Variants in COMMD10 observed in about 807,000 individuals in gnomAD.
The protein encoded by COMMD10 is COMM domain-containing protein 10.
COMMD10 carries 33 observed loss-of-function variants against 28.9 expected under a neutral mutation model. The ratio of observed to expected loss-of-function variants is 1.14; its 90% CI spans 0.87 to 1.53. COMMD10 has a LOEUF of 1.53. Ranked by LOEUF, COMMD10 falls within the 40% of genes most tolerant of loss-of-function variation. The probability of loss-of-function intolerance (pLI) is 0.00; values close to 1 mark genes in which losing one functional copy is unlikely to be tolerated. For missense variants in COMMD10, 310 were observed against 233.4 expected, an observed-to-expected ratio of 1.33 and a Z score of -2.14; for synonymous variants, 110 against 81.7, an observed-to-expected ratio of 1.35 and a Z score of -1.87.
intron 4 of COMMD10, among the ~76,000 whole-genome samples, chr5:116,115,519 T>C (rs1289532443): frequency 6.6e-6 from 1 of 152,204 alleles, no homozygotes; most frequent in Non-Finnish European, 1.5e-5. Flanking sequence ...CTTATTAGAA[T>C]TTGTATTCTT....
intron 5 of COMMD10, among the ~76,000 whole-genome samples, chr5:116,138,507 A>G (rs1368217875): frequency 6.6e-6 from 1 of 151,722 alleles, no homozygotes; most frequent in African/African-American, 2.4e-5. Flanking sequence ...TTTTGCTATT[A>G]ATCTTAGTAC....
chr5:116,161,669 ATTAT>A (rs1752922617), intron 5 of COMMD10, among the ~76,000 whole-genome samples: 1 of 152,170 alleles, frequency 6.6e-6, no homozygotes, highest in Non-Finnish European at 1.5e-5. Flanking sequence ...GAGAAAATAT[ATTAT>A]TTCTTCATAA....
intron 4 of COMMD10, among the ~76,000 whole-genome samples, chr5:116,132,569 T>C (rs887173925): frequency 1.3e-5 from 2 of 152,122 alleles, no homozygotes; most frequent in Non-Finnish European, 2.9e-5. Context: ...AAGTGCCTAA[T>C]GGAGAGGGAT....
Position 116,092,485 on chromosome 5 carries a change from A to C in COMMD10, c.244-60A>C, listed in dbSNP as rs1177684597. ...TTAAAAATAGTTTTGTATTTAGTAT[A>C]GTTTAAAGTTTCAGTATGAAGATGA... On this transcript the variant is annotated intron_variant, in intron 3 of 6. Coordinates refer to ENST00000274458, the MANE Select transcript of COMMD10 (RefSeq NM_016144.4). 8.4e-6 allele frequency: 10 copies of C among 1,186,684 alleles called. No homozygotes were observed. In the East Asian group the frequency reaches 2.5e-4, roughly 30 times the overall value. 73.5% of individuals were successfully genotyped at this position (1,186,684 alleles called of 1,614,324 possible). A position where few individuals can be genotyped will look rare whatever the true frequency, so the allele number is the denominator to read the frequency against.
intron 4 of COMMD10, among the ~76,000 whole-genome samples, chr5:116,125,744 C>T (rs1288467049): frequency 4.6e-5 from 7 of 152,022 alleles, no homozygotes; most frequent in African/African-American, 1.7e-4. Flanking sequence ...AGGCTTTGTT[C>T]GTTTCTTTTT....
At chr5:116,277,567 T>C (rs895673819) in intron 5 of COMMD10, among the ~76,000 whole-genome samples, 4 of 151,954 alleles carry the variant, frequency 2.6e-5, no homozygotes, top group African/African-American at 9.7e-5. Context: ...TTTCCTATTA[T>C]TATGCTGCAG....
At chr5:116,165,655 G>A (rs1210291638) in intron 5 of COMMD10, among the ~76,000 whole-genome samples, 1 of 151,920 alleles carries the variant, frequency 6.6e-6, no homozygotes, top group Non-Finnish European at 1.5e-5. Context: ...TGTGCACAGG[G>A]CTGGTAGAGA....
intron 5 of COMMD10, among the ~76,000 whole-genome samples, chr5:116,153,240 G>A (rs996643349): frequency 3.3e-5 from 5 of 152,018 alleles, no homozygotes; most frequent in Admixed American, 6.6e-5. Flanking sequence ...ATTAATAGTC[G>A]TTCCTGAAAA....
chr5:116,279,594 C>A (rs1422502), intron 5 of COMMD10, among the ~76,000 whole-genome samples: 4 of 151,862 alleles, frequency 2.6e-5, no homozygotes, highest in African/African-American at 9.7e-5. Flanking sequence ...AGCTGAAATT[C>A]AGGTGAAAAT....
chr5:116,089,354 C>G (rs1439958512), intron 2 of COMMD10, among the ~76,000 whole-genome samples: 1 of 152,210 alleles, frequency 6.6e-6, no homozygotes, highest in Non-Finnish European at 1.5e-5. Flanking sequence ...AACTCTCTCC[C>G]TTATTACACG....
chr5:116,186,313 G>T (rs1373404077), intron 5 of COMMD10, among the ~76,000 whole-genome samples: 3 of 152,006 alleles, frequency 2.0e-5, no homozygotes, highest in Non-Finnish European at 4.4e-5. Context: ...TTTCATTTCC[G>T]CACTTAACAG....
intron 5 of COMMD10, among the ~76,000 whole-genome samples, chr5:116,171,892 G>C (rs1248171151): frequency 6.6e-6 from 1 of 152,062 alleles, no homozygotes; most frequent in Non-Finnish European, 1.5e-5. Flanking sequence ...CGGGTTGATG[G>C]TGCAACAAAC....
intron 5 of COMMD10, among the ~76,000 whole-genome samples, chr5:116,156,555 G>C (rs1041877430): frequency 6.6e-6 from 1 of 151,968 alleles, no homozygotes; most frequent in Non-Finnish European, 1.5e-5. Context: ...CAACATTTTC[G>C]TTCTACTTCA....
In COMMD10 at chr5:116,212,289, G is replaced by A. The variant is rs370632030; in HGVS notation, c.510+78111G>A. Among the ~76,000 whole-genome samples, 5 of 152,112 alleles carry A rather than the reference G, an allele frequency of 3.3e-5. No homozygotes were observed. The East Asian group carries it at 9.6e-4, about 29-fold the overall frequency. On this transcript the variant is annotated intron_variant, in intron 5 of 6. Transcript: ENST00000274458. Reference sequence around the variant, plus strand: ...GCCAGGAACTGTATTTTTCCCTCCTGAAGTTATAAAAGTAGAAGTAGTAAT... The same window carrying A: ...GCCAGGAACTGTATTTTTCCCTCCTAAAGTTATAAAAGTAGAAGTAGTAAT...
At position 116,166,717 on chromosome 5, in the gene COMMD10, C is replaced by T. The variant is rs140828396; in HGVS notation, c.510+32539C>T. 6.5e-3 allele frequency among the ~76,000 whole-genome samples: 983 copies of T among 152,256 alleles called. 12 individuals carry two copies. Among genetic ancestry groups the T allele is most frequent in the African/African-American group, 0.022 (909 of 41,544 alleles). ...CAGGCAAACAGGGTCTGGAGTGGAC[C>T]TCCAGCAAACTCCAGCAGACTTGCA... On this transcript the variant is annotated intron_variant, in intron 5 of 6. Coordinates refer to ENST00000274458, the MANE Select transcript of COMMD10 (RefSeq NM_016144.4).
chr5:116,206,153 A>G (rs536476233), intron 5 of COMMD10, among the ~76,000 whole-genome samples: 15 of 152,344 alleles, frequency 9.8e-5, no homozygotes, highest in African/African-American at 3.4e-4. Context: ...ATGGTGGGGT[A>G]TGATTGTGTA....
chr5:116,249,080 C>T (rs1193068463), intron 5 of COMMD10, among the ~76,000 whole-genome samples: 1 of 151,996 alleles, frequency 6.6e-6, no homozygotes, highest in South Asian at 2.1e-4. Flanking sequence ...ATATTCACAT[C>T]AGAGCATGGT....
intron 5 of COMMD10, among the ~76,000 whole-genome samples, chr5:116,195,201 C>G (rs1748477476): frequency 6.6e-6 from 1 of 152,096 alleles, no homozygotes; most frequent in Non-Finnish European, 1.5e-5. Context: ...AACCCACAGC[C>G]AACATAATAC....
chr5:116,195,825 A>G (rs1748502239), intron 5 of COMMD10, among the ~76,000 whole-genome samples: 1 of 152,156 alleles, frequency 6.6e-6, no homozygotes, highest in African/African-American at 2.4e-5. Flanking sequence ...CAACAAACAT[A>G]TGAAAAAATG....
Sources: gnomAD v4.1 joint callset for allele counts (sites outside exome capture counted in the v4.1 genomes callset) on GRCh38, gnomAD v4.1.1 for gene constraint, MANE v1.5 for transcripts, NCBI Gene and HGNC (gene_info 2026-07-23, HGNC 2026-07-21) for gene names.